Variants in AFF3 observed in about 807,000 individuals in gnomAD.
AFF3 encodes ALF transcription elongation factor 3, also known as AF4/FMR2 family member 3.
Under a neutral mutation model 129.7 loss-of-function variants are expected in AFF3, and 32 were observed. That is an observed-to-expected ratio of 0.25 (90% CI 0.19 to 0.33). AFF3 has a LOEUF of 0.33. Among genes scored for constraint, AFF3 ranks in the 10% least tolerant of loss-of-function variants. The pLI is 1.00. For missense variants in AFF3, 1,373 were observed against 1,592.0 expected, an observed-to-expected ratio of 0.86 and a Z score of 2.34; for synonymous variants, 644 against 635.4, an observed-to-expected ratio of 1.01 and a Z score of -0.20.
intron 2 of AFF3, among the ~76,000 whole-genome samples, chr2:100,115,080 A>G (rs1691686304): frequency 1.3e-5 from 2 of 152,218 alleles, no homozygotes; most frequent in Admixed American, 6.5e-5. Flanking sequence ...TGGTTGTACA[A>G]AATTAACATG....
Position 100,007,238 on chromosome 2 carries a change from G to A in AFF3, c.397C>T (p.Pro133Ser), listed in dbSNP as rs1030520318. 10 of 1,614,032 alleles carry A rather than the reference G, an allele frequency of 6.2e-6. No homozygotes were observed. In the African/African-American group the frequency reaches 1.2e-4, roughly 19 times the overall value. The change falls in exon 6 of 25, where the codon CCA becomes TCA. Residue 133 changes from proline to serine, a missense_variant. By Grantham distance (74) the Pro-to-Ser change is moderately conservative (BLOSUM62 -1). Coordinates refer to ENST00000672756, the MANE Select transcript of AFF3 (RefSeq NM_001386135.1). ...SSICSTTTST[P>S]AAVPVQQSKR... is the part of the protein sequence containing the mutation. Reference sequence around the variant, plus strand: ...CTCTGCTGCACGGGGACAGCTGCTGGTGTGGAAGTTGTAGTGCTACAGATA... The same window carrying A: ...CTCTGCTGCACGGGGACAGCTGCTGATGTGGAAGTTGTAGTGCTACAGATA...
chr2:99,990,244 A>G (rs778356824), intron 7 of AFF3, among the ~76,000 whole-genome samples: 7 of 152,210 alleles, frequency 4.6e-5, no homozygotes, highest in African/African-American at 9.6e-5. Flanking sequence ...GACCAGTATG[A>G]AGTCCTTAAA....
At chr2:99,872,390 G>A (rs1310774081) in intron 7 of AFF3, among the ~76,000 whole-genome samples, 2 of 151,788 alleles carry the variant, frequency 1.3e-5, no homozygotes, top group Admixed American at 6.6e-5. Context: ...AAACGATGTG[G>A]AGACAAGCAC....
chr2:99,746,986 A>T (rs1681214575), intron 9 of AFF3, among the ~76,000 whole-genome samples: 1 of 151,636 alleles, frequency 6.6e-6, no homozygotes, highest in Non-Finnish European at 1.5e-5. Context: ...AAAGAACAGA[A>T]TTTTTTCTAA....
At chr2:99,597,504 G>A (rs3792128) in intron 14 of AFF3, among the ~76,000 whole-genome samples, 70,551 of 152,122 alleles carry the variant, frequency 0.46, 16,476 homozygotes, top group East Asian at 0.65. Context: ...GGTCAGGGAG[G>A]CAGATTGCCA....
intron 7 of AFF3, among the ~76,000 whole-genome samples, chr2:99,981,921 T>C (rs1471869405): frequency 1.3e-5 from 2 of 152,092 alleles, no homozygotes; most frequent in Non-Finnish European, 2.9e-5. Flanking sequence ...ACTACTAGAG[T>C]CTTTTTTAAA....
intron 11 of AFF3, among the ~76,000 whole-genome samples, chr2:99,725,344 A>G (rs188496782): frequency 6.6e-6 from 1 of 151,150 alleles, no homozygotes; most frequent in African/African-American, 2.4e-5. Context: ...TTTAGGCAAT[A>G]AACTTTTTAT....
chr2:100,113,757 G>A (rs1448916032), intron 2 of AFF3, among the ~76,000 whole-genome samples: 1 of 152,172 alleles, frequency 6.6e-6, no homozygotes, highest in African/African-American at 2.4e-5. Context: ...AGAGTGAGGA[G>A]GCAGTGATGG....
intron 7 of AFF3, among the ~76,000 whole-genome samples, chr2:99,872,597 A>C (rs1259768233): frequency 2.2e-5 from 2 of 91,870 alleles, no homozygotes; most frequent in African/African-American, 4.8e-5. Flanking sequence ...TTCTTACAAA[A>C]ATAAAATAAA....
At chr2:99,582,744 G>A in intron 17 of AFF3, 54 bp downstream of exon 17, 1 of 1,576,814 alleles carries the variant, frequency 6.3e-7, no homozygotes, top group South Asian at 1.1e-5. Flanking sequence ...ACAGAGCTTG[G>A]GGGTGCTCAA....
At chr2:99,727,559 A>G (rs4851224) in intron 10 of AFF3, among the ~76,000 whole-genome samples, 10 of 127,746 alleles carry the variant, frequency 7.8e-5, no homozygotes, top group African/African-American at 2.9e-4. Flanking sequence ...GGAGGAAAGA[A>G]TTTTTTTTTT....
At chr2:99,578,255 C>T (rs1212569440) in intron 18 of AFF3, 72 bp downstream of exon 18, 2 of 1,488,996 alleles carry the variant, frequency 1.3e-6, no homozygotes, top group East Asian at 5.1e-5. Context: ...ACCAAGGTGC[C>T]CATGCCCCTT....
At chr2:100,088,891 G>A (rs562791748) in intron 4 of AFF3, among the ~76,000 whole-genome samples, 10 of 152,358 alleles carry the variant, frequency 6.6e-5, no homozygotes, top group East Asian at 3.9e-4. Flanking sequence ...GGTGGGGACT[G>A]TTTCCTTCTT....
intron 8 of AFF3, among the ~76,000 whole-genome samples, chr2:99,829,119 A>G (rs1046327120): frequency 2.0e-5 from 3 of 152,236 alleles, no homozygotes; most frequent in Non-Finnish European, 4.4e-5. Flanking sequence ...GAACTTCTCC[A>G]TAAGGTCCAA....
chr2:100,033,544 G>A (rs995291181), intron 4 of AFF3, among the ~76,000 whole-genome samples: 1 of 152,132 alleles, frequency 6.6e-6, no homozygotes, highest in African/African-American at 2.4e-5. Context: ...AATGCTATCT[G>A]ACATTTCTAT....
chr2:99,764,210 C>A (rs1363989091), intron 8 of AFF3, among the ~76,000 whole-genome samples: 1 of 152,180 alleles, frequency 6.6e-6, no homozygotes, highest in Non-Finnish European at 1.5e-5. Flanking sequence ...ACTTCCTTTG[C>A]ATCATCAAAA....
At chr2:99,741,195 C>T (rs1480762314) in intron 10 of AFF3, among the ~76,000 whole-genome samples, 3 of 152,132 alleles carry the variant, frequency 2.0e-5, no homozygotes, top group African/African-American at 7.2e-5. Context: ...TCCTATTCAA[C>T]ATAGTGTTGG....
chr2:100,019,737 C>T (rs1051430507), intron 4 of AFF3, among the ~76,000 whole-genome samples: 39 of 152,224 alleles, frequency 2.6e-4, no homozygotes, highest in Middle Eastern at 3.4e-3. Context: ...GTCAGGGGCT[C>T]GGTTCCGCAG....
chr2:99,772,270 G>A (rs1004613375), intron 8 of AFF3, among the ~76,000 whole-genome samples: 4 of 152,324 alleles, frequency 2.6e-5, no homozygotes, highest in Admixed American at 2.6e-4. Context: ...TTCTGACCAG[G>A]CCGTGTGCTT....
Sources: gnomAD v4.1 joint callset for allele counts (sites outside exome capture counted in the v4.1 genomes callset) on GRCh38, gnomAD v4.1.1 for gene constraint, MANE v1.5 for transcripts, NCBI Gene and HGNC (gene_info 2026-07-23, HGNC 2026-07-21) for gene names.